Variants in ZFHX4 observed in about 807,000 individuals in gnomAD.
The protein encoded by ZFHX4 is zinc finger homeobox 4.
In ZFHX4, 56 loss-of-function variants were observed where a neutral mutation model predicts 267.6. The ratio of observed to expected loss-of-function variants is 0.21; its 90% CI spans 0.17 to 0.26. The LOEUF (loss-of-function observed/expected upper bound fraction) is 0.26, where lower values mean the gene tolerates loss of function less well. Ranked by LOEUF, ZFHX4 falls within the 10% of genes least tolerant of loss-of-function variation. The pLI is 1.00. For synonymous variants in ZFHX4, 1,778 were observed against 1,665.6 expected, an observed-to-expected ratio of 1.07 and a Z score of -1.64; for missense variants, 4,332 against 4,420.0, an observed-to-expected ratio of 0.98 and a Z score of 0.56.
chr8:76,769,190 G>C (rs1259613531), intron 3 of ZFHX4, among the ~76,000 whole-genome samples: 1 of 152,142 alleles, frequency 6.6e-6, no homozygotes, highest in African/African-American at 2.4e-5. Context: ...ATTGCAGGGG[G>C]ACTCTGACAA....
chr8:76,756,166 C>T (rs1169317962), intron 3 of ZFHX4, among the ~76,000 whole-genome samples: 2 of 152,110 alleles, frequency 1.3e-5, no homozygotes, highest in African/African-American at 2.4e-5. Flanking sequence ...GTAGGGACGT[C>T]GTCATGTCAT....
chr8:76,796,554 C>G lies in ZFHX4; in HGVS notation c.3325+18115C>G, dbSNP rs570402406. Among the ~76,000 whole-genome samples the G allele has an allele frequency of 3.9e-5, 6 of 152,212 alleles. 1 individual carries two copies. Among genetic ancestry groups the G allele is most frequent in the African/African-American group, 1.4e-4 (6 of 41,534 alleles). ...TTAATTCCCATGACTGCCACACTTG[C>G]CGCTGGGCTTTGGGGTGGGGAAGAT... On this transcript the variant is annotated intron_variant, in intron 4 of 10. Coordinates refer to ENST00000651372, the MANE Select transcript of ZFHX4 (RefSeq NM_024721.5).
chr8:76,820,718 G>T (rs555351158), intron 4 of ZFHX4, among the ~76,000 whole-genome samples: 8 of 152,310 alleles, frequency 5.3e-5, no homozygotes, highest in Non-Finnish European at 1.2e-4. Flanking sequence ...TAATAGGAAA[G>T]TGTTTATGTT....
chr8:76,758,863 C>T (rs529440086), intron 3 of ZFHX4, among the ~76,000 whole-genome samples: 1 of 152,154 alleles, frequency 6.6e-6, no homozygotes, highest in South Asian at 2.1e-4. Context: ...TCTGTGGCAC[C>T]TTCATTGGTT....
chr8:76,854,301 A>G lies in ZFHX4; in HGVS notation c.7380A>G (p.Gly2460=). 1 of 1,610,502 alleles carries G rather than the reference A, an allele frequency of 6.2e-7. No individual in the cohort carries two copies. The highest frequency in any genetic ancestry group is 8.5e-7 in the Non-Finnish European group (1 of 1,178,116). ...PQPPKQPQLI[G]RPPSASQTPV... is the part of the protein sequence containing the mutation. The stretch of plus-strand genomic sequence containing the variant: ...CACCAAAACAACCCCAACTTATCGG[A>G]AGACCTCCCTCGGCCTCTCAAACAC... Residue 2460 remains glycine, a synonymous_variant, in exon 10 of 11, where the codon GGA becomes GGG. Transcript: ENST00000651372.
At chr8:76,793,088 G>T (rs183495356) in intron 4 of ZFHX4, among the ~76,000 whole-genome samples, 1 of 152,076 alleles carries the variant, frequency 6.6e-6, no homozygotes, top group Non-Finnish European at 1.5e-5. Context: ...GTCCAGACTC[G>T]CAGGACACTG....
At chr8:76,744,155 G>T (rs1585902128) in intron 3 of ZFHX4, among the ~76,000 whole-genome samples, 1 of 152,118 alleles carries the variant, frequency 6.6e-6, no homozygotes, top group East Asian at 2.0e-4. Context: ...AGACCAGCCT[G>T]ACCAATATGG....
intron 1 of ZFHX4, chr8:76,703,474 A>G (rs1382819129): frequency 6.6e-6 from 1 of 152,310 alleles, no homozygotes; most frequent in African/African-American, 2.4e-5. Context: ...ATTTGTAGTA[A>G]GCTGATTTAC....
intron 4 of ZFHX4, among the ~76,000 whole-genome samples, chr8:76,796,064 A>G (rs533472213): frequency 2.5e-4 from 38 of 152,318 alleles, no homozygotes; most frequent in Middle Eastern, 3.4e-3. Context: ...ATTAATTTAT[A>G]GAAAGTATAT....
chr8:76,844,503 G>A (rs184767553), intron 6 of ZFHX4, among the ~76,000 whole-genome samples: 116 of 152,114 alleles, frequency 7.6e-4, no homozygotes, highest in African/African-American at 2.6e-3. Context: ...AAAGAATCTG[G>A]CTTGGAACAT....
At position 76,855,487 on chromosome 8, in the gene ZFHX4, A is replaced by T. The variant is rs201826993; in HGVS notation, c.8566A>T (p.Thr2856Ser). 5.5e-5 allele frequency: 88 copies of T among 1,613,588 alleles called. No individual in the cohort carries two copies. The highest frequency in any genetic ancestry group is 7.2e-5 in the Non-Finnish European group (85 of 1,179,858). Residue 2856 changes from threonine (T) to serine (S), a missense_variant, in exon 10 of 11, where the codon ACC becomes TCC. This residue lies in a region of ZFHX4 where 1,648 missense variants were observed against 1,625.0 expected (regional missense o/e 1.01). Transcript: ENST00000651372. ...TCTGCCAAAACCTGCAACCACACCTACCACGGAGGTCTGCGATGACAAATT... is the reference window on the plus strand; with the variant it reads ...TCTGCCAAAACCTGCAACCACACCTTCCACGGAGGTCTGCGATGACAAATT... ...DTLPKPATTP[T>S]TEVCDDKFLF... is the part of the protein sequence containing the mutation.
intron 3 of ZFHX4, 78 bp from the exon 4 acceptor site, chr8:76,778,130 C>A: frequency 2.2e-6 from 2 of 915,662 alleles, no homozygotes; most frequent in Non-Finnish European, 3.6e-6. Context: ...GTTTATCATG[C>A]CATGGGTGGG....
At position 76,842,753 on chromosome 8, in the gene ZFHX4, A is replaced by C. The variant is rs1177578739; in HGVS notation, c.3493A>C (p.Asn1165His). The C allele has an allele frequency of 1.3e-6, 2 of 1,551,610 alleles. No individual in the cohort carries two copies. Among genetic ancestry groups the C allele is most frequent in the African/African-American group, 1.4e-5 (1 of 72,998 alleles). The change falls in exon 6 of 11, where the codon AAC becomes CAC. Residue 1165 changes from asparagine (N) to histidine (H), a missense_variant. By Grantham distance (68) the Asn-to-His change is moderately conservative. This residue lies in a region of ZFHX4 where 1,371 missense variants were observed against 1,423.1 expected (regional missense o/e 0.96). Coordinates refer to ENST00000651372, the MANE Select transcript of ZFHX4 (RefSeq NM_024721.5). ...TSERDNSEGKNSNKDSGIITP... is the reference protein window; with the variant it reads ...TSERDNSEGKHSNKDSGIITP... The stretch of plus-strand genomic sequence containing the variant: ...TGAGAGAGACAATAGTGAAGGCAAA[A>C]ACTCTAATAAAGACTCTGGTAAGAT...
At chr8:76,805,306 C>T (rs1427704334) in intron 4 of ZFHX4, among the ~76,000 whole-genome samples, 1 of 152,018 alleles carries the variant, frequency 6.6e-6, no homozygotes, top group African/African-American at 2.4e-5. Context: ...GTAAGGGATA[C>T]TCACTTTAGC....
chr8:76,835,219 GTATA>G (rs773901442), intron 5 of ZFHX4, among the ~76,000 whole-genome samples: 1,556 of 76,068 alleles, frequency 0.02, 61 homozygotes, highest in African/African-American at 0.068. Context: ...GTATATATAT[GTATA>G]TATATATATA....
At chr8:76,719,497 G>A (rs1022317972) in intron 3 of ZFHX4, among the ~76,000 whole-genome samples, 20 of 151,974 alleles carry the variant, frequency 1.3e-4, no homozygotes, top group Admixed American at 1.3e-3. Context: ...CTTGCTAATT[G>A]TGGGAGGACA....
In ZFHX4 at chr8:76,855,447, A is replaced by G; in HGVS notation, c.8526A>G (p.Pro2842=). The G allele has an allele frequency of 1.9e-6, 3 of 1,613,458 alleles. No homozygotes were observed. The highest frequency in any genetic ancestry group is 2.5e-6 in the Non-Finnish European group (3 of 1,179,768). ...AACCGGCTTTGTCTCCCAAAGAGCC[A>G]AAAACTCTGGATACTCTGCCAAAAC... is the stretch of plus-strand genomic sequence containing the variant. ...DVKPALSPKE[P]KTLDTLPKPA... The change falls in exon 10 of 11, where the codon CCA becomes CCG. Residue 2842 remains proline, a synonymous_variant. Coordinates refer to ENST00000651372, the MANE Select transcript of ZFHX4 (RefSeq NM_024721.5).
intron 4 of ZFHX4, among the ~76,000 whole-genome samples, chr8:76,792,971 T>C (rs1480552532): frequency 6.6e-6 from 1 of 152,164 alleles, no homozygotes; most frequent in East Asian, 1.9e-4. Context: ...TGGAACCACA[T>C]TGCCGTGGGG....
chr8:76,863,914 G>C lies in ZFHX4; in HGVS notation c.10200G>C (p.Lys3400Asn). 4 of 1,588,976 alleles carry C rather than the reference G, an allele frequency of 2.5e-6. No individual in the cohort carries two copies. Among genetic ancestry groups the C allele is most frequent in the Non-Finnish European group, 3.4e-6 (4 of 1,166,956 alleles). Residue 3400 changes from lysine (K) to asparagine (N), a missense_variant, in exon 11 of 11, where the codon AAG (lysine) becomes AAC (asparagine). Coordinates refer to ENST00000651372, the MANE Select transcript of ZFHX4 (RefSeq NM_024721.5). ...FSDTYVVPFV[K>N]YEFICRKCQM... Reference sequence around the variant, plus strand: ...ACACTTACGTTGTTCCATTCGTCAAGTATGAGTTTATATGCAGAAAGTGCC... The same window carrying C: ...ACACTTACGTTGTTCCATTCGTCAACTATGAGTTTATATGCAGAAAGTGCC...
Sources: gnomAD v4.1 joint callset for allele counts (sites outside exome capture counted in the v4.1 genomes callset) on GRCh38, gnomAD v4.1.1 for gene constraint, gnomAD v4.1.1 regional missense constraint, MANE v1.5 for transcripts, NCBI Gene and HGNC (gene_info 2026-07-23, HGNC 2026-07-21) for gene names.